ANOS1: variants seen among roughly 807,000 people sequenced by gnomAD.
The protein encoded by ANOS1 is anosmin 1.
ANOS1 carries 6 observed loss-of-function variants against 59.0 expected under a neutral mutation model. The observed-to-expected ratio is 0.10, with a 90% CI of 0.06 to 0.20. The LOEUF (loss-of-function observed/expected upper bound fraction) is 0.20, where lower values mean the gene tolerates loss of function less well. ANOS1 is among the 10% of genes least tolerant of loss of function. The pLI, the probability that ANOS1 is intolerant of heterozygous loss-of-function variation, is 1.00. For missense variants in ANOS1, 433 were observed against 542.3 expected (o/e 0.80, Z 2.00); for synonymous variants, 217 against 223.4 (o/e 0.97, Z 0.25).
rs746075352 is a variant in ANOS1 at position 8,731,939 on chromosome X, C to G, written c.98G>C (p.Arg33Pro). The change falls in exon 1 of 14, where the codon CGG (arginine) becomes CCG (proline). Residue 33 changes from arginine to proline, a missense_variant. Physicochemically the swap from Arg to Pro is moderately radical, Grantham distance 103 (BLOSUM62 -2). Coordinates refer to ENST00000262648, the MANE Select transcript of ANOS1 (RefSeq NM_000216.4). ...LAAGPGAAAA[R>P]RLDESLSAGS... ...GGCAGACAGCGACTCGTCCAGCCGC[C>G]GCGCAGCAGCCGCGCCGGGGCCGGC... is the stretch of plus-strand genomic sequence containing the variant. The G allele has an allele frequency of 4.6e-5, 52 of 1,136,668 alleles. No individual in the cohort carries two copies. The Admixed American group carries it at 8.6e-4, about 19-fold the overall frequency. 93.7% of individuals were successfully genotyped at this position (1,136,668 alleles called of 1,213,427 possible). A position where few individuals can be genotyped will look rare whatever the true frequency, so the allele number is the denominator to read the frequency against.
At chrX:8,609,714 T>C (rs952797023) in intron 3 of ANOS1, among the ~76,000 whole-genome samples, 7 of 110,797 alleles carry the variant, frequency 6.3e-5, no homozygotes, top group Non-Finnish European at 1.3e-4. Context: ...CCTGTTCTTA[T>C]AAGAATCTTT....
At chrX:8,633,501 A>G (rs1305934875) in intron 2 of ANOS1, among the ~76,000 whole-genome samples, 4 of 111,806 alleles carry the variant, frequency 3.6e-5, no homozygotes, top group African/African-American at 6.5e-5. Context: ...TTCAACCGCA[A>G]TCTTCTAATA....
At chrX:8,647,386 C>G (rs1197158574) in intron 2 of ANOS1, among the ~76,000 whole-genome samples, 2 of 111,455 alleles carry the variant, frequency 1.8e-5, no homozygotes, top group Non-Finnish European at 3.8e-5. Flanking sequence ...GGTTATGACT[C>G]AGAACCCTCA....
At chrX:8,665,804 T>C (rs1424527932) in intron 2 of ANOS1, among the ~76,000 whole-genome samples, 2 of 112,603 alleles carry the variant, frequency 1.8e-5, no homozygotes, top group African/African-American at 6.5e-5. Context: ...ATATCCACCA[T>C]GATTATTTTA....
intron 2 of ANOS1, among the ~76,000 whole-genome samples, chrX:8,669,140 T>C (rs1323964665): frequency 1.8e-5 from 2 of 111,678 alleles, no homozygotes; most frequent in African/African-American, 6.5e-5. Context: ...CAGCAAGTCC[T>C]TTCATTGTGG....
chrX:8,635,459 G>A (rs984488945), intron 2 of ANOS1, among the ~76,000 whole-genome samples: 3 of 111,669 alleles, frequency 2.7e-5, no homozygotes, highest in African/African-American at 9.8e-5. Flanking sequence ...TGCCAAGACA[G>A]AGCAGTAAAG....
At chrX:8,703,774 T>C (rs1440583351) in intron 1 of ANOS1, among the ~76,000 whole-genome samples, 1 of 111,626 alleles carries the variant, frequency 9.0e-6, no homozygotes, top group Non-Finnish European at 1.9e-5. Context: ...ATCAGGTAAA[T>C]AGAAAGTAGA....
At chrX:8,547,994 C>T (rs772800320) in intron 9 of ANOS1, among the ~76,000 whole-genome samples, 60 of 112,209 alleles carry the variant, frequency 5.3e-4, no homozygotes, top group Middle Eastern at 4.6e-3. Context: ...GGATTACAGG[C>T]GTGAGCCACC....
chrX:8,628,500 A>G (rs1931433169), intron 2 of ANOS1, among the ~76,000 whole-genome samples: 1 of 111,648 alleles, frequency 9.0e-6, no homozygotes, highest in African/African-American at 3.3e-5. Context: ...GTGGCCTCCC[A>G]GACTGAACTC....
intron 3 of ANOS1, among the ~76,000 whole-genome samples, chrX:8,618,317 A>T (rs771046265): frequency 1.9e-3 from 215 of 112,319 alleles, no homozygotes; most frequent in African/African-American, 6.7e-3. Context: ...TTCATCCCAA[A>T]CAACTTGTAT....
intron 2 of ANOS1, among the ~76,000 whole-genome samples, chrX:8,639,869 T>C (rs1018355806): frequency 9.0e-6 from 1 of 111,379 alleles, no homozygotes; most frequent in African/African-American, 3.3e-5. Flanking sequence ...TTGCTCTTTG[T>C]TAATGAGCAA....
chrX:8,703,014 C>A (rs910267361), intron 1 of ANOS1, among the ~76,000 whole-genome samples: 2 of 112,331 alleles, frequency 1.8e-5, no homozygotes, highest in African/African-American at 3.2e-5. Context: ...TTTTCCTAGG[C>A]AGATGGGCAG....
intron 9 of ANOS1, among the ~76,000 whole-genome samples, chrX:8,545,258 C>CA (rs1178222498): frequency 0.17 from 4,750 of 28,540 alleles, 406 homozygotes; most frequent in African/African-American, 0.38. Flanking sequence ...GTCTCTATGA[C>CA]AAAAAAAAAA....
At chrX:8,574,014 C>G (rs1930278129) in intron 6 of ANOS1, among the ~76,000 whole-genome samples, 1 of 111,029 alleles carries the variant, frequency 9.0e-6, no homozygotes, top group Non-Finnish European at 1.9e-5. Context: ...CCATGTCACT[C>G]CTGTGCACAG....
At chrX:8,553,863 T>C in intron 9 of ANOS1, 89 bp downstream of exon 9, 1 of 897,520 alleles carries the variant, frequency 1.1e-6, no homozygotes, top group Non-Finnish European at 1.6e-6. Context: ...GTATTGATAC[T>C]GTGGCTTGAC....
At chrX:8,567,310 C>A (rs895942123) in intron 8 of ANOS1, among the ~76,000 whole-genome samples, 2 of 111,616 alleles carry the variant, frequency 1.8e-5, no homozygotes, top group Non-Finnish European at 3.8e-5. Flanking sequence ...TATTAAGTAA[C>A]CTTTCAAGCA....
intron 3 of ANOS1, among the ~76,000 whole-genome samples, chrX:8,612,551 G>GT (rs60402454): frequency 0.11 from 6,433 of 60,774 alleles, 250 homozygotes; most frequent in Admixed American, 0.17. Flanking sequence ...AAAACAAGAA[G>GT]TTTTTTTTTT....
intron 6 of ANOS1, among the ~76,000 whole-genome samples, chrX:8,575,147 A>G (rs1930299496): frequency 8.9e-6 from 1 of 112,376 alleles, no homozygotes; most frequent in Non-Finnish European, 1.9e-5. Flanking sequence ...GCTAGATCAC[A>G]AGATCCTAAA....
intron 2 of ANOS1, among the ~76,000 whole-genome samples, chrX:8,691,171 T>G (rs1175167629): frequency 3.7e-5 from 4 of 108,924 alleles, no homozygotes; most frequent in Non-Finnish European, 7.6e-5. Context: ...CCTCCTGGGT[T>G]CAAGTGATTC....
Sources: allele counts gnomAD v4.1 joint callset (sites outside exome capture counted in the v4.1 genomes callset), GRCh38; gene constraint gnomAD v4.1.1; transcripts MANE v1.5; gene names NCBI Gene and HGNC (gene_info 2026-07-23, HGNC 2026-07-21).